Variants in USH2A observed in about 807,000 individuals in gnomAD.
USH2A encodes usherin.
USH2A carries 443 observed loss-of-function variants against 538.9 expected under a neutral mutation model. That is an observed-to-expected ratio of 0.82 (90% confidence interval 0.76 to 0.89). The LOEUF is 0.89. Ranked by LOEUF, USH2A falls within the 40% of genes least tolerant of loss-of-function variation. The pLI, the probability that USH2A is intolerant of heterozygous loss-of-function variation, is 0.00. For missense variants in USH2A, 6,633 were observed against 6,324.8 expected, an observed-to-expected ratio of 1.05 and a Z score of -1.65; for synonymous variants, 2,413 against 2,273.5, an observed-to-expected ratio of 1.06 and a Z score of -1.75.
At chr1:215,986,096 G>A (rs78444518) in intron 35 of USH2A, among the ~76,000 whole-genome samples, 15,046 of 151,774 alleles carry the variant, frequency 0.099, 748 homozygotes, top group Non-Finnish European at 0.11. Context: ...TGTCTAATGG[G>A]TGCCCAGCTC....
At chr1:215,951,104 T>C (rs1401146737) in intron 37 of USH2A, among the ~76,000 whole-genome samples, 1 of 152,170 alleles carries the variant, frequency 6.6e-6, no homozygotes, top group Non-Finnish European at 1.5e-5. Context: ...AGCTTTTGAA[T>C]GTGTTTGCTC....
intron 3 of USH2A, among the ~76,000 whole-genome samples, chr1:216,417,807 T>A (rs529882260): frequency 5.3e-5 from 8 of 152,070 alleles, no homozygotes; most frequent in Non-Finnish European, 1.2e-4. Flanking sequence ...GTCTCCGGTA[T>A]TTTTTATAGT....
chr1:216,352,547 T>C (rs529696506), intron 4 of USH2A, among the ~76,000 whole-genome samples: 1 of 152,266 alleles, frequency 6.6e-6, no homozygotes, highest in South Asian at 2.1e-4. Flanking sequence ...AAGGCTCCTA[T>C]GGTTGAATAT....
intron 21 of USH2A, among the ~76,000 whole-genome samples, chr1:216,115,193 G>A (rs990302195): frequency 1.3e-5 from 2 of 152,020 alleles, no homozygotes; most frequent in Admixed American, 6.6e-5. Flanking sequence ...GTGTAGTGGC[G>A]TGATCATAGC....
In USH2A at chr1:215,929,614, G is replaced by A. The variant is rs184833795; in HGVS notation, c.7300+5002C>T. Reference sequence around the variant, plus strand: ...CAAAAAGAGTCTTAGTAGGAAAATAGAACAAAAGAGGTAGGAAGCACCAAA... The same window carrying A: ...CAAAAAGAGTCTTAGTAGGAAAATAAAACAAAAGAGGTAGGAAGCACCAAA... On this transcript the variant is annotated intron_variant, in intron 38 of 71. Coordinates refer to ENST00000307340, the MANE Select transcript of USH2A (RefSeq NM_206933.4). Among the ~76,000 whole-genome samples, 59 of 152,100 alleles carry A rather than the reference G, an allele frequency of 3.9e-4. No homozygotes were observed. In the East Asian group the frequency reaches 0.011, roughly 28 times the overall value.
At chr1:216,026,368 T>C (rs1001478587) in intron 32 of USH2A, among the ~76,000 whole-genome samples, 1 of 152,172 alleles carries the variant, frequency 6.6e-6, no homozygotes, top group Non-Finnish European at 1.5e-5. Context: ...ATGGATGGCA[T>C]CTCTCAGGGG....
At chr1:215,791,502 C>G (rs1000323396) in intron 50 of USH2A, among the ~76,000 whole-genome samples, 5 of 152,192 alleles carry the variant, frequency 3.3e-5, no homozygotes, top group African/African-American at 1.2e-4. Context: ...CCACACATGA[C>G]TCCAAAGAAC....
intron 34 of USH2A, among the ~76,000 whole-genome samples, chr1:215,993,584 CTACTT>C (rs1558199872): frequency 6.6e-6 from 1 of 151,588 alleles, no homozygotes; most frequent in East Asian, 1.9e-4. Context: ...AGGATGAAGA[CTACTT>C]TAAGACAAAA....
intron 11 of USH2A, among the ~76,000 whole-genome samples, chr1:216,265,684 A>G (rs2036457869): frequency 6.6e-6 from 1 of 151,754 alleles, no homozygotes; most frequent in Non-Finnish European, 1.5e-5. Context: ...ATAATGAAAT[A>G]CTATTCAGCC....
intron 3 of USH2A, among the ~76,000 whole-genome samples, chr1:216,403,995 G>A (rs911210238): frequency 1.3e-5 from 2 of 152,128 alleles, no homozygotes; most frequent in African/African-American, 2.4e-5. Flanking sequence ...CACCATGATT[G>A]TAAGTTTCCT....
chr1:216,040,021 C>T (rs2030195220), intron 32 of USH2A, among the ~76,000 whole-genome samples: 1 of 149,656 alleles, frequency 6.7e-6, no homozygotes, highest in Admixed American at 6.8e-5. Context: ...GCCTTTCTAC[C>T]CTCTCTTTAT....
intron 38 of USH2A, among the ~76,000 whole-genome samples, chr1:215,910,761 A>T (rs969684928): frequency 6.6e-6 from 1 of 151,838 alleles, no homozygotes; most frequent in Non-Finnish European, 1.5e-5. Flanking sequence ...AACTATGAAC[A>T]TTTGTTCATA....
At position 216,048,693 on chromosome 1, in the gene USH2A, A is replaced by G. The variant is rs754360248; in HGVS notation, c.6050-46T>C. On this transcript the variant is annotated intron_variant, in intron 30 of 71. Coordinates refer to ENST00000307340, the MANE Select transcript of USH2A (RefSeq NM_206933.4). ...AGAGGGTTGCGTGTTTACCATAAGC[A>G]TCAATAAAGAGCATTGTGTGTATAT... 47 of 1,462,974 alleles carry G rather than the reference A, an allele frequency of 3.2e-5. No individual in the cohort carries two copies. The South Asian group carries it at 4.0e-4, about 12-fold the overall frequency. The allele number at this position is 1,462,974 out of a possible 1,614,324, so 90.6% of individuals were successfully genotyped here. A position where few individuals can be genotyped will look rare whatever the true frequency, so the allele number is the denominator to read the frequency against.
intron 4 of USH2A, among the ~76,000 whole-genome samples, chr1:216,360,055 G>A (rs1047726514): frequency 1.3e-5 from 2 of 151,990 alleles, no homozygotes; most frequent in Non-Finnish European, 2.9e-5. Flanking sequence ...CAGTAATTGC[G>A]CTCTTTGGTA....
chr1:215,805,850 A>AT (rs1464236826), intron 49 of USH2A, among the ~76,000 whole-genome samples: 1 of 152,076 alleles, frequency 6.6e-6, no homozygotes, highest in African/African-American at 2.4e-5. Flanking sequence ...AGCTTTTGGG[A>AT]TTAAGCAATT....
chr1:216,109,319 G>A (rs547590973), intron 21 of USH2A, among the ~76,000 whole-genome samples: 2 of 152,144 alleles, frequency 1.3e-5, no homozygotes, highest in African/African-American at 4.8e-5. Context: ...AAGGGTGGAT[G>A]GTTTCCCCTT....
chr1:215,946,367 G>A (rs1397860268), intron 37 of USH2A, among the ~76,000 whole-genome samples: 5 of 152,072 alleles, frequency 3.3e-5, no homozygotes, highest in Non-Finnish European at 5.9e-5. Context: ...AACAATATTC[G>A]AGGATAACAG....
chr1:216,289,263 T>C lies in USH2A; in HGVS notation c.1971+17A>G, dbSNP rs200869437. ...AGACAGAGTAATCCTTTACCTTAAA[T>C]ACTCAGAAAAACTCACCTGATCACA... On this transcript the variant is annotated intron_variant, in intron 11 of 71. Coordinates refer to ENST00000307340, the MANE Select transcript of USH2A (RefSeq NM_206933.4). 100 of 1,613,706 alleles carry C rather than the reference T, an allele frequency of 6.2e-5. No homozygotes were observed. Among genetic ancestry groups the C allele is most frequent in the Non-Finnish European group, 8.2e-5 (97 of 1,179,668 alleles).
chr1:216,000,695 A>T, intron 32 of USH2A, 133 bp from the exon 33 acceptor site: 1 of 1,094,716 alleles, frequency 9.1e-7, no homozygotes, highest in Non-Finnish European at 1.4e-6. Flanking sequence ...AGCCATAAAA[A>T]TCAATAGCAA....
Sources: allele counts gnomAD v4.1 joint callset (sites outside exome capture counted in the v4.1 genomes callset), GRCh38; gene constraint gnomAD v4.1.1; transcripts MANE v1.5; gene names NCBI Gene and HGNC (gene_info 2026-07-23, HGNC 2026-07-21).